The following TAFA4 variants were observed in gnomAD, a reference collection of about 807,000 sequenced individuals.
TAFA4 encodes TAFA chemokine like family member 4.
Under a neutral mutation model 21.1 loss-of-function variants are expected in TAFA4, and 20 were observed. That is an observed-to-expected ratio of 0.95 (90% CI 0.67 to 1.38). The LOEUF is 1.38. TAFA4 is among the 40% of genes most tolerant of loss of function. The pLI, the probability that TAFA4 is intolerant of heterozygous loss-of-function variation, is 0.00. For missense variants in TAFA4, 211 were observed against 180.9 expected, an observed-to-expected ratio of 1.17 and a Z score of -0.95; for synonymous variants, 71 against 67.4, an observed-to-expected ratio of 1.05 and a Z score of -0.26.
intron 3 of TAFA4, among the ~76,000 whole-genome samples, chr3:68,790,535 G>T (rs1415737530): frequency 2.6e-5 from 4 of 152,020 alleles, no homozygotes; most frequent in African/African-American, 9.7e-5. Flanking sequence ...AAATAAATGG[G>T]GAAAAAGGAC....
chr3:68,744,720 C>T (rs1176910714), intron 4 of TAFA4, among the ~76,000 whole-genome samples: 1 of 151,728 alleles, frequency 6.6e-6, no homozygotes, highest in Non-Finnish European at 1.5e-5. Flanking sequence ...TTCTTAACTA[C>T]AGGAAAAAAA....
chr3:68,880,158 G>A (rs998888486), intron 3 of TAFA4, among the ~76,000 whole-genome samples: 1 of 151,686 alleles, frequency 6.6e-6, no homozygotes, highest in Non-Finnish European at 1.5e-5. Flanking sequence ...AGTCTCACTA[G>A]AAGTTATCAG....
intron 1 of TAFA4, among the ~76,000 whole-genome samples, chr3:68,896,842 A>G (rs192204418): frequency 1.3e-5 from 2 of 152,342 alleles, no homozygotes; most frequent in South Asian, 2.1e-4. Context: ...ATAAGGTCCA[A>G]GTTTCAACAA....
chr3:68,752,008 G>GTT (rs1256720497), intron 4 of TAFA4, among the ~76,000 whole-genome samples: 1 of 152,194 alleles, frequency 6.6e-6, no homozygotes, highest in Non-Finnish European at 1.5e-5. Context: ...AGTTGTGTAT[G>GTT]TCTATATGTG....
intron 1 of TAFA4, among the ~76,000 whole-genome samples, chr3:68,897,357 G>A (rs1272703225): frequency 2.6e-5 from 4 of 151,634 alleles, no homozygotes; most frequent in Admixed American, 6.6e-5. Flanking sequence ...CCAGGTACGG[G>A]GGCTCATGCC....
intron 5 of TAFA4, among the ~76,000 whole-genome samples, chr3:68,735,162 T>C (rs1702215746): frequency 6.6e-6 from 1 of 151,434 alleles, no homozygotes; most frequent in Non-Finnish European, 1.5e-5. Flanking sequence ...TCATCTGAGC[T>C]GGACATTAAA....
chr3:68,774,930 T>C (rs1336331042), intron 3 of TAFA4, among the ~76,000 whole-genome samples: 8 of 152,100 alleles, frequency 5.3e-5, no homozygotes, highest in Non-Finnish European at 1.0e-4. Flanking sequence ...TCTCGGGATA[T>C]TAAAAAGCTG....
At chr3:68,844,107 T>C (rs1704731728) in intron 3 of TAFA4, among the ~76,000 whole-genome samples, 1 of 152,218 alleles carries the variant, frequency 6.6e-6, no homozygotes, top group African/African-American at 2.4e-5. Flanking sequence ...AGCTCCTCTT[T>C]GTACCTCTGG....
chr3:68,835,260 G>A (rs2106884844), intron 3 of TAFA4, among the ~76,000 whole-genome samples: 1 of 152,220 alleles, frequency 6.6e-6, no homozygotes. Flanking sequence ...TTGACTCTGT[G>A]TTATTTTTCT....
intron 5 of TAFA4, among the ~76,000 whole-genome samples, chr3:68,733,742 GA>G (rs1046505612): frequency 8.6e-5 from 13 of 151,708 alleles, no homozygotes; most frequent in Middle Eastern, 3.4e-3. Context: ...AGCACAGGTG[GA>G]AAAAAAAGCA....
chr3:68,752,776 T>C, intron 4 of TAFA4, 87 bp downstream of exon 4: 1 of 1,544,976 alleles, frequency 6.5e-7, no homozygotes, highest in Non-Finnish European at 8.9e-7. Context: ...TAGGTTTCTT[T>C]GGGTTGCAAA....
chr3:68,920,656 T>C (rs2090050868), intron 1 of TAFA4, among the ~76,000 whole-genome samples: 1 of 150,900 alleles, frequency 6.6e-6, no homozygotes, highest in Non-Finnish European at 1.5e-5. Context: ...TTTTTTTTTT[T>C]TTTTTTACAA....
intron 2 of TAFA4, among the ~76,000 whole-genome samples, chr3:68,884,876 C>T (rs1222060789): frequency 3.9e-5 from 6 of 152,216 alleles, no homozygotes; most frequent in Non-Finnish European, 8.8e-5. Flanking sequence ...AACAACCATT[C>T]CCCCAGAGAA....
chr3:68,758,076 T>C (rs1702690123), intron 3 of TAFA4, among the ~76,000 whole-genome samples: 1 of 152,200 alleles, frequency 6.6e-6, no homozygotes, highest in Non-Finnish European at 1.5e-5. Flanking sequence ...AGAGGTGAGA[T>C]TCAAACCATA....
intron 4 of TAFA4, among the ~76,000 whole-genome samples, chr3:68,746,614 C>G (rs1173568829): frequency 6.6e-6 from 1 of 152,176 alleles, no homozygotes; most frequent in Non-Finnish European, 1.5e-5. Context: ...GCCATACCAA[C>G]TTGACCCAGC....
At chr3:68,791,281 A>C (rs1703355750) in intron 3 of TAFA4, among the ~76,000 whole-genome samples, 1 of 152,248 alleles carries the variant, frequency 6.6e-6, no homozygotes, top group African/African-American at 2.4e-5. Context: ...AGTCTAATCT[A>C]ACATGCTGGT....
At chr3:68,778,084 T>C (rs1703081415) in intron 3 of TAFA4, among the ~76,000 whole-genome samples, 1 of 152,164 alleles carries the variant, frequency 6.6e-6, no homozygotes, top group African/African-American at 2.4e-5. Flanking sequence ...TTACACACAC[T>C]AATTAGAAAG....
chr3:68,751,462 G>A (rs745305644), intron 4 of TAFA4, among the ~76,000 whole-genome samples: 11 of 152,142 alleles, frequency 7.2e-5, no homozygotes, highest in Non-Finnish European at 1.5e-4. Context: ...CAGAAAGAAT[G>A]GTTGTGATGT....
At chr3:68,870,643 A>G (rs2089471149) in intron 3 of TAFA4, among the ~76,000 whole-genome samples, 1 of 152,112 alleles carries the variant, frequency 6.6e-6, no homozygotes, top group South Asian at 2.1e-4. Flanking sequence ...ATAGGTATAC[A>G]TGTGCCATGG....
Sources: gnomAD v4.1 joint callset for allele counts (sites outside exome capture counted in the v4.1 genomes callset) on GRCh38, gnomAD v4.1.1 for gene constraint, MANE v1.5 for transcripts, NCBI Gene and HGNC (gene_info 2026-07-23, HGNC 2026-07-21) for gene names.